CSGALNACT1: variants seen among roughly 807,000 people sequenced by gnomAD.
The protein encoded by CSGALNACT1 is chondroitin sulfate N-acetylgalactosaminyltransferase 1, also known as beta4GalNAcT-1.
A neutral mutation model predicts 51.0 loss-of-function variants in CSGALNACT1; 52 were observed. The ratio of observed to expected loss-of-function variants is 1.02; its 90% CI spans 0.82 to 1.29. CSGALNACT1 has a LOEUF of 1.29. Ranked by LOEUF, CSGALNACT1 falls within the 50% of genes most tolerant of loss-of-function variation. The pLI is 0.00. For missense variants in CSGALNACT1, 935 were observed against 679.2 expected (o/e 1.38, Z -4.19); for synonymous variants, 341 against 254.4 (o/e 1.34, Z -3.24).
intron 1 of CSGALNACT1, among the ~76,000 whole-genome samples, chr8:19,690,872 C>T (rs943662517): frequency 3.3e-5 from 5 of 152,296 alleles, no homozygotes; most frequent in East Asian, 1.9e-4. Flanking sequence ...AAAGATTTCA[C>T]GACTCTGTGA....
In CSGALNACT1 at chr8:19,590,334, C is replaced by T. The variant is rs1348549232; in HGVS notation, c.-297+826G>A. Among the ~76,000 whole-genome samples, 5 of 152,326 alleles carry T rather than the reference C, an allele frequency of 3.3e-5. No individual in the cohort carries two copies. In the East Asian group the frequency reaches 9.6e-4, roughly 29 times the overall value. ...TGTGGCAGAACGTAGTAATAGTAGA[C>T]ATCTATTGGACATCATACAGTCAAC... On this transcript the variant is annotated intron_variant, in intron 3 of 9. Transcript: ENST00000454498.
rs568876736 is a variant in CSGALNACT1 at position 19,421,478 on chromosome 8, G to A, written c.954-960C>T. On this transcript the variant is annotated intron_variant, in intron 6 of 9. Transcript: ENST00000454498. ...GAGAACCACCTTCAGTCTTCTTTCA[G>A]CCTAGCAAATCCCTTTTCCTGTCAA... 1.2e-4 allele frequency among the ~76,000 whole-genome samples: 18 copies of A among 152,270 alleles called. No individual in the cohort carries two copies. In the South Asian group the frequency reaches 3.5e-3, roughly 30 times the overall value.
chr8:19,647,548 C>A (rs1186673727), intron 1 of CSGALNACT1, among the ~76,000 whole-genome samples: 4 of 152,214 alleles, frequency 2.6e-5, no homozygotes, highest in African/African-American at 9.7e-5. Context: ...TGATCACCTG[C>A]CAAATGGATT....
At chr8:19,543,736 T>C (rs1179557694) in intron 3 of CSGALNACT1, among the ~76,000 whole-genome samples, 4 of 152,184 alleles carry the variant, frequency 2.6e-5, no homozygotes, top group Non-Finnish European at 5.9e-5. Flanking sequence ...CATCTCTTTT[T>C]CCCTTGGTGA....
intron 4 of CSGALNACT1, among the ~76,000 whole-genome samples, chr8:19,491,960 T>C (rs12680176): frequency 0.099 from 15,135 of 152,232 alleles, 1,381 homozygotes; most frequent in East Asian, 0.47. Flanking sequence ...ATGATTTCTT[T>C]AGACATGGAT....
intron 1 of CSGALNACT1, among the ~76,000 whole-genome samples, chr8:19,696,282 A>T (rs114684014): frequency 6.6e-6 from 1 of 152,234 alleles, no homozygotes; most frequent in African/African-American, 2.4e-5. Context: ...CCACTGTAGC[A>T]TCTTACAGTA....
At chr8:19,484,233 C>T (rs939839176) in intron 4 of CSGALNACT1, among the ~76,000 whole-genome samples, 1 of 114,092 alleles carries the variant, frequency 8.8e-6, no homozygotes, top group Non-Finnish European at 2.0e-5. Flanking sequence ...TAAAGAGCTT[C>T]CTCTAAGTAA....
intron 1 of CSGALNACT1, among the ~76,000 whole-genome samples, chr8:19,675,431 G>C (rs955127124): frequency 1.3e-5 from 2 of 152,160 alleles, no homozygotes; most frequent in Non-Finnish European, 2.9e-5. Context: ...TTATGAATCA[G>C]AAAATGAGTG....
Position 19,579,941 on chromosome 8 carries a change from A to G in CSGALNACT1, c.-297+11219T>C, listed in dbSNP as rs56970630. Reference sequence around the variant, plus strand: ...AGGAAGGGAAAGGACAGAAAGGAGGAGGAGGAAGAGGAGGAGAAATAGCTG... The same window carrying G: ...AGGAAGGGAAAGGACAGAAAGGAGGGGGAGGAAGAGGAGGAGAAATAGCTG... On this transcript the variant is annotated intron_variant, in intron 3 of 9. Transcript: ENST00000454498. Among the ~76,000 whole-genome samples, 31 of 152,330 alleles carry G rather than the reference A, an allele frequency of 2.0e-4. No homozygotes were observed. In the East Asian group the frequency reaches 5.8e-3, roughly 28 times the overall value.
At chr8:19,719,487 C>T (rs1471447182) in intron 1 of CSGALNACT1, among the ~76,000 whole-genome samples, 2 of 152,168 alleles carry the variant, frequency 1.3e-5, no homozygotes, top group Non-Finnish European at 2.9e-5. Flanking sequence ...CATTAAACAT[C>T]ACAAAGGTCT....
chr8:19,681,244 C>T (rs1406908300), intron 1 of CSGALNACT1, among the ~76,000 whole-genome samples: 1 of 152,038 alleles, frequency 6.6e-6, no homozygotes, highest in Non-Finnish European at 1.5e-5. Flanking sequence ...AAGAAATTCA[C>T]AGCAAGGAAA....
intron 3 of CSGALNACT1, among the ~76,000 whole-genome samples, chr8:19,506,748 C>G (rs1177659654): frequency 6.6e-6 from 1 of 152,180 alleles, no homozygotes; most frequent in Non-Finnish European, 1.5e-5. Flanking sequence ...CCCACTCCCT[C>G]CTGCTCCCAC....
intron 3 of CSGALNACT1, among the ~76,000 whole-genome samples, chr8:19,539,584 A>G (rs1391946379): frequency 2.6e-5 from 4 of 152,230 alleles, no homozygotes; most frequent in African/African-American, 7.2e-5. Context: ...GCCAAGCAAT[A>G]TAATGCAACC....
intron 4 of CSGALNACT1, among the ~76,000 whole-genome samples, chr8:19,475,955 C>T (rs2069498958): frequency 6.6e-6 from 1 of 152,114 alleles, no homozygotes; most frequent in African/African-American, 2.4e-5. Context: ...AACACAGATA[C>T]TAAATGAAAC....
chr8:19,721,807 T>C (rs1273802354), intron 1 of CSGALNACT1, among the ~76,000 whole-genome samples: 2 of 152,240 alleles, frequency 1.3e-5, no homozygotes, highest in Non-Finnish European at 2.9e-5. Context: ...GCTAATTGGC[T>C]TTAGCTGTTC....
chr8:19,658,816 C>T (rs1178129528), intron 1 of CSGALNACT1, among the ~76,000 whole-genome samples: 1 of 152,190 alleles, frequency 6.6e-6, no homozygotes, highest in African/African-American at 2.4e-5. Flanking sequence ...CTATGACATT[C>T]AGCAAGCTTC....
chr8:19,707,723 G>T (rs761686337), intron 1 of CSGALNACT1, among the ~76,000 whole-genome samples: 2 of 152,170 alleles, frequency 1.3e-5, no homozygotes, highest in South Asian at 4.2e-4. Context: ...CTATAAGGCC[G>T]GGTGTGGTGG....
chr8:19,448,259 T>A (rs1023699297), intron 5 of CSGALNACT1, among the ~76,000 whole-genome samples: 1 of 152,202 alleles, frequency 6.6e-6, no homozygotes, highest in Admixed American at 6.5e-5. Context: ...AATCGTGGAT[T>A]CAATAATAAA....
At chr8:19,435,529 C>A (rs570044158) in intron 6 of CSGALNACT1, among the ~76,000 whole-genome samples, 1 of 151,594 alleles carries the variant, frequency 6.6e-6, no homozygotes, top group Non-Finnish European at 1.5e-5. Flanking sequence ...TAGCTCCAAG[C>A]GAGTATCTAA....
Sources: allele counts gnomAD v4.1 joint callset (sites outside exome capture counted in the v4.1 genomes callset), GRCh38; gene constraint gnomAD v4.1.1; transcripts MANE v1.5; gene names NCBI Gene and HGNC (gene_info 2026-07-23, HGNC 2026-07-21).